CARNMT1: variants seen among roughly 807,000 people sequenced by gnomAD.
The protein encoded by CARNMT1 is carnosine N-methyltransferase 1, also known as protein-L-histidine N-pros-methyltransferase CARNMT1.
CARNMT1 carries 28 observed loss-of-function variants against 49.6 expected under a neutral mutation model. That is an observed-to-expected ratio of 0.56 (90% confidence interval 0.42 to 0.77). CARNMT1 has a LOEUF of 0.77. Ranked by LOEUF, CARNMT1 falls within the 30% of genes least tolerant of loss-of-function variation. The probability of loss-of-function intolerance (pLI) is 0.00; values close to 1 mark genes in which losing one functional copy is unlikely to be tolerated. For missense variants in CARNMT1, 421 were observed against 512.6 expected (o/e 0.82, Z 1.73); for synonymous variants, 178 against 175.0 (o/e 1.02, Z -0.13).
rs919242061 is a variant in CARNMT1, at chr9:74,982,946, T to C, written c.*821A>G. The C allele has an allele frequency of 6.6e-6, 1 of 152,212 alleles. No homozygotes were observed. The highest frequency in any genetic ancestry group is 2.4e-5 in the African/African-American group (1 of 41,454). The allele number at this position is 152,212 out of a possible 1,614,324, so 9.4% of individuals were successfully genotyped here. ...TCAGTTTATTGTGGCCAAAAGACTT[T>C]GATATTTCTGTTACTTGAATATATT... is the stretch of plus-strand genomic sequence containing the variant. On this transcript the variant is annotated 3_prime_UTR_variant, in exon 8 of 8. Coordinates refer to ENST00000376834, the MANE Select transcript of CARNMT1 (RefSeq NM_152420.3).
At chr9:75,020,859 A>C (rs1345987106) in intron 1 of CARNMT1, among the ~76,000 whole-genome samples, 1 of 152,140 alleles carries the variant, frequency 6.6e-6, no homozygotes, top group Admixed American at 6.5e-5. Flanking sequence ...TATAATAATG[A>C]GCTTTGAAGT....
intron 6 of CARNMT1, chr9:74,991,030 A>C (rs1832993821): frequency 6.6e-6 from 1 of 152,254 alleles, no homozygotes; most frequent in South Asian, 2.1e-4. Flanking sequence ...AAAAGATACA[A>C]GAAACAGTTA....
intron 1 of CARNMT1, among the ~76,000 whole-genome samples, chr9:75,021,234 G>C (rs943398474): frequency 6.9e-6 from 1 of 144,486 alleles, no homozygotes; most frequent in African/African-American, 2.6e-5. Flanking sequence ...ATACTATATA[G>C]AGTATATATA....
intron 5 of CARNMT1, 140 bp from the exon 6 acceptor site, chr9:74,996,700 T>C (rs1235535149): frequency 1.8e-6 from 1 of 555,934 alleles, no homozygotes; most frequent in Non-Finnish European, 3.1e-6. Flanking sequence ...CTGATCAACA[T>C]TATAATTACA....
intron 3 of CARNMT1, among the ~76,000 whole-genome samples, chr9:75,010,399 A>G (rs1051759289): frequency 3.3e-5 from 5 of 152,160 alleles, no homozygotes; most frequent in African/African-American, 1.2e-4. Flanking sequence ...TGCTGGGTTT[A>G]TAGGTGTGAG....
chr9:74,984,553 T>C (rs1832771580), intron 7 of CARNMT1, among the ~76,000 whole-genome samples: 1 of 152,196 alleles, frequency 6.6e-6, no homozygotes, highest in Non-Finnish European at 1.5e-5. Context: ...AAGTGACAAA[T>C]TCCACATCTG....
At chr9:75,018,968 TAA>T (rs35324700) in intron 1 of CARNMT1, among the ~76,000 whole-genome samples, 1,053 of 74,552 alleles carry the variant, frequency 0.014, 6 homozygotes, top group African/African-American at 0.043. Flanking sequence ...CTCCATCTCA[TAA>T]AAAAAAAAAA....
chr9:75,023,795 G>C (rs1822446016), intron 1 of CARNMT1, among the ~76,000 whole-genome samples: 1 of 152,160 alleles, frequency 6.6e-6, no homozygotes, highest in African/African-American at 2.4e-5. Flanking sequence ...TTCCATTCAA[G>C]GGCAGAGTTG....
At chr9:74,988,909 A>G (rs1481599666) in intron 6 of CARNMT1, among the ~76,000 whole-genome samples, 5 of 152,210 alleles carry the variant, frequency 3.3e-5, no homozygotes, top group Admixed American at 2.6e-4. Flanking sequence ...CTGTTTTTCT[A>G]GAAGAAAGTC....
At chr9:74,997,168 C>T (rs1314085832) in intron 5 of CARNMT1, among the ~76,000 whole-genome samples, 2 of 152,158 alleles carry the variant, frequency 1.3e-5, no homozygotes, top group African/African-American at 4.8e-5. Context: ...CCATGGAGGA[C>T]TACCTTCATC....
Position 75,020,758 on chromosome 9 carries a change from G to A in CARNMT1, c.231-3310C>T, listed in dbSNP as rs559451991. 1.6e-3 allele frequency among the ~76,000 whole-genome samples: 245 copies of A among 152,306 alleles called. 3 individuals are homozygous for A. Among genetic ancestry groups the A allele is most frequent in the Middle Eastern group, 0.014 (4 of 294 alleles). On this transcript the variant is annotated intron_variant, in intron 1 of 7. Transcript: ENST00000376834. ...TGGCTGGTCGCGTTTTTACAAGCTT[G>A]TGTTTGGTGGCTTGGTGTGGGGGGC...
intron 2 of CARNMT1, chr9:75,016,751 C>T: frequency 3.6e-6 from 1 of 279,518 alleles, no homozygotes; most frequent in Non-Finnish European, 6.6e-6. Flanking sequence ...CCCTCCAGGT[C>T]ATTGATGGGG....
At chr9:74,998,290 A>T (rs1475313723) in intron 5 of CARNMT1, among the ~76,000 whole-genome samples, 2 of 152,186 alleles carry the variant, frequency 1.3e-5, no homozygotes, top group Non-Finnish European at 2.9e-5. Flanking sequence ...CACTATGAAC[A>T]GCTTCCTTCT....
chr9:75,018,932 G>A (rs552720649), intron 1 of CARNMT1, among the ~76,000 whole-genome samples: 3 of 146,148 alleles, frequency 2.1e-5, no homozygotes, highest in East Asian at 2.0e-4. Flanking sequence ...GCACCACTGC[G>A]TTCCAGCCTG....
At chr9:75,010,664 T>C (rs1380891196) in intron 3 of CARNMT1, among the ~76,000 whole-genome samples, 1 of 152,088 alleles carries the variant, frequency 6.6e-6, no homozygotes, top group African/African-American at 2.4e-5. Flanking sequence ...TGAAGAGACA[T>C]AGCAAAGAAT....
At chr9:74,984,618 G>A (rs1341101008) in intron 7 of CARNMT1, among the ~76,000 whole-genome samples, 4 of 152,030 alleles carry the variant, frequency 2.6e-5, no homozygotes, top group Non-Finnish European at 2.9e-5. Context: ...TTACCTTCGG[G>A]CTATGCTTAT....
At chr9:75,021,474 C>CTATATATA (rs113499792) in intron 1 of CARNMT1, among the ~76,000 whole-genome samples, 1 of 144,064 alleles carries the variant, frequency 6.9e-6, no homozygotes, top group Non-Finnish European at 1.5e-5. Flanking sequence ...AATATATATA[C>CTATATATA]TATATATATA....
chr9:74,996,373 G>C, intron 6 of CARNMT1, 74 bp downstream of exon 6: 2 of 740,210 alleles, frequency 2.7e-6, no homozygotes, highest in Non-Finnish European at 4.6e-6. Context: ...ATTTGAGACT[G>C]TGAAGTTAAA....
chr9:75,010,536 A>C (rs1256990749), intron 3 of CARNMT1, among the ~76,000 whole-genome samples: 1 of 152,214 alleles, frequency 6.6e-6, no homozygotes, highest in Non-Finnish European at 1.5e-5. Context: ...TGGGAGGAGA[A>C]GGAGTGGGTA....
Sources: gnomAD v4.1 joint callset for allele counts (sites outside exome capture counted in the v4.1 genomes callset) on GRCh38, gnomAD v4.1.1 for gene constraint, MANE v1.5 for transcripts, NCBI Gene and HGNC (gene_info 2026-07-23, HGNC 2026-07-21) for gene names.